The following PCDH7 variants were observed in gnomAD, a reference collection of about 807,000 sequenced individuals.
PCDH7 encodes the protein protocadherin 7.
PCDH7 carries 17 observed loss-of-function variants against 58.9 expected under a neutral mutation model. That is an observed-to-expected ratio of 0.29 (90% CI 0.20 to 0.43). PCDH7 has a LOEUF of 0.43. PCDH7 is among the 20% of genes least tolerant of loss of function. The pLI, the probability that PCDH7 is intolerant of heterozygous loss-of-function variation, is 1.00. For missense variants in PCDH7, 1,274 were observed against 1,441.0 expected, an observed-to-expected ratio of 0.88 and a Z score of 1.88; for synonymous variants, 664 against 616.4, an observed-to-expected ratio of 1.08 and a Z score of -1.14.
At chr4:31,113,269 T>G (rs935513402) in intron 3 of PCDH7, among the ~76,000 whole-genome samples, 2 of 152,158 alleles carry the variant, frequency 1.3e-5, no homozygotes, top group Non-Finnish European at 2.9e-5. Context: ...CTTAGACTGT[T>G]TAGCACCCAC....
chr4:31,116,830 GT>G (rs1717050383), intron 3 of PCDH7, among the ~76,000 whole-genome samples: 1 of 151,888 alleles, frequency 6.6e-6, no homozygotes, highest in Non-Finnish European at 1.5e-5. Context: ...GGGTTTTTTT[GT>G]TGTTGTTGTT....
intron 3 of PCDH7, among the ~76,000 whole-genome samples, chr4:30,977,216 A>G (rs1335557253): frequency 2.0e-5 from 3 of 152,154 alleles, no homozygotes; most frequent in African/African-American, 4.8e-5. Context: ...AGGTAGCCCT[A>G]GGTTCTATTC....
At chr4:30,969,602 A>C (rs1749370240) in intron 3 of PCDH7, among the ~76,000 whole-genome samples, 2 of 152,194 alleles carry the variant, frequency 1.3e-5, no homozygotes, top group Admixed American at 1.3e-4. Flanking sequence ...TCTAAGTCCC[A>C]GAGATCTAAG....
chr4:31,130,280 T>C (rs1268754275), intron 3 of PCDH7, among the ~76,000 whole-genome samples: 4 of 152,116 alleles, frequency 2.6e-5, no homozygotes, highest in Non-Finnish European at 5.9e-5. Flanking sequence ...ACAAAAATAA[T>C]TTAAGGTGTG....
intron 3 of PCDH7, among the ~76,000 whole-genome samples, chr4:31,012,923 T>A (rs1753302767): frequency 2.7e-5 from 4 of 150,244 alleles, no homozygotes; most frequent in Admixed American, 2.7e-4. Flanking sequence ...GGCAGGAGAA[T>A]CCTTTGAGTT....
chr4:30,781,783 G>A (rs1263652681), intron 1 of PCDH7, among the ~76,000 whole-genome samples: 4 of 152,122 alleles, frequency 2.6e-5, no homozygotes, highest in African/African-American at 4.8e-5. Context: ...TGATCCGCCC[G>A]CCTCATCCTC....
chr4:30,974,143 C>T (rs1234921772), intron 3 of PCDH7, among the ~76,000 whole-genome samples: 4 of 145,066 alleles, frequency 2.8e-5, no homozygotes, highest in Admixed American at 6.9e-5. Context: ...ACTGGTGTTG[C>T]AGTTCTTTCT....
At chr4:30,796,630 A>G (rs569368098) in intron 1 of PCDH7, among the ~76,000 whole-genome samples, 14 of 152,356 alleles carry the variant, frequency 9.2e-5, no homozygotes, top group African/African-American at 3.4e-4. Flanking sequence ...GCAAGGACAG[A>G]ACAATTTACT....
chr4:31,139,591 A>T (rs1720010153), intron 3 of PCDH7, among the ~76,000 whole-genome samples: 1 of 152,200 alleles, frequency 6.6e-6, no homozygotes, highest in Admixed American at 6.5e-5. Flanking sequence ...GTGTTGAAAA[A>T]ATTCATAATA....
intron 3 of PCDH7, among the ~76,000 whole-genome samples, chr4:31,102,198 T>C (rs933027629): frequency 6.6e-6 from 1 of 152,118 alleles, no homozygotes; most frequent in African/African-American, 2.4e-5. Context: ...ATCCTTTTTT[T>C]TTTTTACTGT....
At chr4:30,933,760 A>G (rs1483321350) in intron 2 of PCDH7, among the ~76,000 whole-genome samples, 1 of 152,192 alleles carries the variant, frequency 6.6e-6, no homozygotes, top group African/African-American at 2.4e-5. Flanking sequence ...AACTGTGTGC[A>G]TAAGAAACAA....
At chr4:31,133,418 T>C (rs1719218408) in intron 3 of PCDH7, among the ~76,000 whole-genome samples, 1 of 152,200 alleles carries the variant, frequency 6.6e-6, no homozygotes, top group African/African-American at 2.4e-5. Context: ...AAAGCTATGA[T>C]TATTTCAGTG....
chr4:30,989,542 C>T (rs575249748), intron 3 of PCDH7, among the ~76,000 whole-genome samples: 1 of 152,096 alleles, frequency 6.6e-6, no homozygotes, highest in Non-Finnish European at 1.5e-5. Flanking sequence ...TTACAGGTGC[C>T]GCACCATTCC....
At chr4:30,850,525 T>A (rs1732588403) in intron 1 of PCDH7, among the ~76,000 whole-genome samples, 2 of 151,790 alleles carry the variant, frequency 1.3e-5, no homozygotes, top group South Asian at 4.2e-4. Flanking sequence ...TAAACCAGGG[T>A]TTTTCTTTTT....
chr4:30,929,499 G>A (rs980687348), intron 2 of PCDH7, among the ~76,000 whole-genome samples: 1 of 152,084 alleles, frequency 6.6e-6, no homozygotes, highest in Non-Finnish European at 1.5e-5. Flanking sequence ...GAAAATATCT[G>A]AAATGCATGC....
intron 3 of PCDH7, among the ~76,000 whole-genome samples, chr4:31,017,074 A>C (rs1753676262): frequency 6.6e-6 from 1 of 152,098 alleles, no homozygotes; most frequent in East Asian, 1.9e-4. Flanking sequence ...AAACCCATTT[A>C]AGAGAAGCGT....
At chr4:31,056,458 G>GA (rs376643176) in intron 3 of PCDH7, among the ~76,000 whole-genome samples, 2,160 of 83,168 alleles carry the variant, frequency 0.026, 118 homozygotes, top group African/African-American at 0.1. Flanking sequence ...AAGAAAGAAA[G>GA]AAGAAAGAAA....
At chr4:30,758,300 G>A (rs980431806) in intron 1 of PCDH7, among the ~76,000 whole-genome samples, 10 of 152,142 alleles carry the variant, frequency 6.6e-5, no homozygotes, top group African/African-American at 2.4e-4. Flanking sequence ...TGGTGGGAGA[G>A]GGGTTGGGGA....
chr4:31,035,551 C>A (rs1755338643), intron 3 of PCDH7, among the ~76,000 whole-genome samples: 2 of 152,144 alleles, frequency 1.3e-5, no homozygotes, highest in South Asian at 4.2e-4. Context: ...ACAGCGTCGG[C>A]CACATCTATG....
Sources: allele counts gnomAD v4.1 joint callset (sites outside exome capture counted in the v4.1 genomes callset), GRCh38; gene constraint gnomAD v4.1.1; transcripts MANE v1.5; gene names NCBI Gene and HGNC (gene_info 2026-07-23, HGNC 2026-07-21).